Variants in CSTF2 observed in about 807,000 individuals in gnomAD.
The protein encoded by CSTF2 is cleavage stimulation factor subunit 2.
A neutral mutation model predicts 45.4 loss-of-function variants in CSTF2; 8 were observed. The observed-to-expected ratio is 0.18, with a 90% CI of 0.10 to 0.32. CSTF2 has a LOEUF of 0.32. Among genes scored for constraint, CSTF2 ranks in the 10% least tolerant of loss-of-function variants. The probability of loss-of-function intolerance (pLI) is 1.00; values close to 1 mark genes in which losing one functional copy is unlikely to be tolerated. For synonymous variants in CSTF2, 155 were observed against 158.9 expected (o/e 0.98, Z 0.18); for missense variants, 253 against 477.1 (o/e 0.53, Z 4.38).
chrX:100,829,928 T>G (rs1454286626), intron 8 of CSTF2, among the ~76,000 whole-genome samples: 1 of 112,294 alleles, frequency 8.9e-6, no homozygotes, highest in African/African-American at 3.2e-5. Context: ...AAGTGACTCA[T>G]GTTTTGAGGG....
chrX:100,821,748 T>A, intron 2 of CSTF2, 143 bp downstream of exon 2: 1 of 456,269 alleles, frequency 2.2e-6, no homozygotes, highest in Non-Finnish European at 3.9e-6. Flanking sequence ...ATATAATTGA[T>A]ACACTATACA....
chrX:100,829,697 A>AT (rs1408672948), intron 8 of CSTF2, among the ~76,000 whole-genome samples: 1 of 109,848 alleles, frequency 9.1e-6, no homozygotes, highest in East Asian at 2.9e-4. Flanking sequence ...CTTTTGTGCT[A>AT]TTGTACATCC....
At chrX:100,826,858 AT>A in intron 7 of CSTF2, 101 bp downstream of exon 7, 1 of 799,827 alleles carries the variant, frequency 1.3e-6, no homozygotes, top group Admixed American at 3.3e-5. Flanking sequence ...CTTAGGTAAA[AT>A]TAATACACAG....
chrX:100,833,280 G>A lies in CSTF2; in HGVS notation c.1308G>A (p.Glu436=). ...GAGGATTAGAGGCCCGTGCAATGGA[G>A]GCCCGTGCGATGGAAGCTCGTGCAA... is the stretch of plus-strand genomic sequence containing the variant. The part of the protein sequence containing the change: ...DARGLEARAM[E]ARAMEARAME... The change falls in exon 11 of 14, where the codon GAG becomes GAA. Residue 436 remains glutamate (E), a synonymous_variant. Transcript: ENST00000372972. 1 of 1,209,479 alleles carries A rather than the reference G, an allele frequency of 8.3e-7. No individual in the cohort carries two copies. Among genetic ancestry groups the A allele is most frequent in the Non-Finnish European group, 1.1e-6 (1 of 894,515 alleles).
rs777816815 is a variant in CSTF2 at position 100,841,103 on chromosome X, A to G, written c.*393A>G. Reference sequence around the variant, plus strand: ...GATATTTGAGAATTTCTCAGAAGCAATGTTTTCTGGAACTTGGTTTTTGTT... The same window carrying G: ...GATATTTGAGAATTTCTCAGAAGCAGTGTTTTCTGGAACTTGGTTTTTGTT... On this transcript the variant is annotated 3_prime_UTR_variant, in exon 14 of 14. Transcript: ENST00000372972. Among the ~76,000 whole-genome samples, 4 of 112,463 alleles carry G rather than the reference A, an allele frequency of 3.6e-5. No homozygotes were observed. The highest frequency in any genetic ancestry group is 5.6e-4 in the East Asian group (2 of 3,600).
chrX:100,832,183 C>T (rs1240896600), intron 9 of CSTF2, among the ~76,000 whole-genome samples: 2 of 111,746 alleles, frequency 1.8e-5, no homozygotes, highest in Non-Finnish European at 3.8e-5. Flanking sequence ...TGCCACTGCA[C>T]TCCAGCCTGG....
At position 100,824,230 on chromosome X, in the gene CSTF2, TCCTCAGGCC is replaced by T. The variant is rs761226732; in HGVS notation, c.686_694del (p.Pro229_Ala231del). 8.3e-7 allele frequency: 1 copy of T among 1,211,381 alleles called. No individual in the cohort carries two copies. The highest frequency in any genetic ancestry group is 1.1e-6 in the Non-Finnish European group (1 of 895,290). On this transcript the variant is annotated inframe_deletion, in exon 6 of 14. Transcript: ENST00000372972. ...CCAATGTGTCAATGAACCAGCAGAA[TCCTCAGGCC>T]CCTCAGGCCCAGTCTTTGGTAGGGC... is the stretch of plus-strand genomic sequence containing the variant.
intron 6 of CSTF2, 109 bp from the exon 7 acceptor site, chrX:100,826,525 A>G (rs1337884399): frequency 2.9e-6 from 2 of 691,362 alleles, no homozygotes; most frequent in Non-Finnish European, 4.4e-6. Context: ...AAGGATGTTT[A>G]GTAGTGTATT....
At chrX:100,822,525 G>A (rs1043965281) in intron 3 of CSTF2, 105 bp downstream of exon 3, 9 of 835,834 alleles carry the variant, frequency 1.1e-5, no homozygotes, top group Non-Finnish European at 1.4e-5. Flanking sequence ...GGTTAGCCAC[G>A]CAGCTTGTTT....
At chrX:100,833,577 G>C (rs2084989845) in intron 11 of CSTF2, 105 bp downstream of exon 11, 1 of 808,446 alleles carries the variant, frequency 1.2e-6, no homozygotes, top group Middle Eastern at 4.6e-4. Context: ...CTGTTTCTTA[G>C]CTTGTTAGAA....
intron 8 of CSTF2, among the ~76,000 whole-genome samples, chrX:100,829,700 G>C (rs141536821): frequency 2.5e-3 from 283 of 111,146 alleles, no homozygotes; most frequent in African/African-American, 8.9e-3. Flanking sequence ...TTGTGCTATT[G>C]TACATCCCTC....
intron 6 of CSTF2, 81 bp downstream of exon 6, chrX:100,824,338 A>ATC: frequency 2.0e-6 from 2 of 992,494 alleles, no homozygotes; most frequent in Admixed American, 7.7e-5. Context: ...TGAAAGAAGA[A>ATC]TGGTCAGGAA....
intron 9 of CSTF2, 73 bp from the exon 10 acceptor site, chrX:100,832,661 A>G (rs1256675521): frequency 1.1e-6 from 1 of 939,486 alleles, no homozygotes; most frequent in African/African-American, 2.0e-5. Flanking sequence ...TTGGATGTTT[A>G]CTTACTGATC....
chrX:100,834,778 C>T (rs966104970), intron 11 of CSTF2, among the ~76,000 whole-genome samples: 3 of 112,238 alleles, frequency 2.7e-5, no homozygotes, highest in African/African-American at 9.7e-5. Flanking sequence ...CCCCCATGGG[C>T]TTACATTCTA....
At chrX:100,834,677 C>T (rs1382510751) in intron 11 of CSTF2, among the ~76,000 whole-genome samples, 1 of 112,379 alleles carries the variant, frequency 8.9e-6, no homozygotes, top group Non-Finnish European at 1.9e-5. Context: ...TTCATTCTGT[C>T]ACTCAGCAAA....
intron 13 of CSTF2, among the ~76,000 whole-genome samples, chrX:100,839,309 G>C (rs2085027331): frequency 9.4e-6 from 1 of 106,898 alleles, no homozygotes; most frequent in African/African-American, 3.4e-5. Context: ...GTGACAACTT[G>C]ATTACACATA....
intron 11 of CSTF2, among the ~76,000 whole-genome samples, chrX:100,835,978 A>G (rs950601738): frequency 8.9e-6 from 1 of 112,033 alleles, no homozygotes; most frequent in African/African-American, 3.2e-5. Context: ...ATTTTAAAAA[A>G]AAAGATTATA....
rs1208732669 is a variant in CSTF2, at chrX:100,828,120, T to G, written c.889+18T>G. The G allele has an allele frequency of 5.1e-6, 6 of 1,168,290 alleles. No homozygotes were observed. The highest frequency in any genetic ancestry group is 6.9e-6 in the Non-Finnish European group (6 of 864,233). On this transcript the variant is annotated intron_variant, in intron 8 of 13. Coordinates refer to ENST00000372972, the MANE Select transcript of CSTF2 (RefSeq NM_001325.3). ...GGGGCAAGGTAAATAAATATTAATG[T>G]CTGACTAATGTTAATTGGTCATGGA...
At chrX:100,823,462 A>T (rs1345487104) in intron 4 of CSTF2, 34 bp downstream of exon 4, 3 of 1,201,280 alleles carry the variant, frequency 2.5e-6, no homozygotes, top group Non-Finnish European at 3.4e-6. Flanking sequence ...AATAAAGCAA[A>T]TCACATCAGG....
Sources: gnomAD v4.1 joint callset for allele counts (sites outside exome capture counted in the v4.1 genomes callset) on GRCh38, gnomAD v4.1.1 for gene constraint, MANE v1.5 for transcripts, NCBI Gene and HGNC (gene_info 2026-07-23, HGNC 2026-07-21) for gene names.